Variants in TVP23A observed in about 807,000 individuals in gnomAD.
TVP23A encodes the protein trans-golgi network vesicle protein 23 homolog A, also known as Golgi apparatus membrane protein TVP23 homolog A.
Under a neutral mutation model 31.7 loss-of-function variants are expected in TVP23A, and 21 were observed. The observed-to-expected ratio is 0.66, with a 90% CI of 0.47 to 0.95. The LOEUF (loss-of-function observed/expected upper bound fraction) is 0.95. Among genes scored for constraint, TVP23A ranks in the 40% least tolerant of loss-of-function variants. The pLI is 0.00. For missense variants in TVP23A, 279 were observed against 255.6 expected (o/e 1.09, Z -0.62); for synonymous variants, 104 against 96.0 (o/e 1.08, Z -0.49).
chr16:10,789,018 G>A (rs1483392331), intron 2 of TVP23A, among the ~76,000 whole-genome samples: 1 of 152,086 alleles, frequency 6.6e-6, no homozygotes, highest in Non-Finnish European at 1.5e-5. Context: ...GTTTATGCAG[G>A]CACCCCACAA....
intron 2 of TVP23A, among the ~76,000 whole-genome samples, chr16:10,776,393 A>T (rs183189386): frequency 2.0e-5 from 3 of 152,272 alleles, no homozygotes; most frequent in East Asian, 1.9e-4. Flanking sequence ...AAAAAATAAA[A>T]AAATAAAAAC....
chr16:10,757,835 A>C (rs1442474868), downstream of TVP23A: 1 of 1,595,382 alleles, frequency 6.3e-7, no homozygotes, highest in East Asian at 2.3e-5. This position sits in a 1 kb window ranked among gnomAD's most constrained non-coding sequence, Gnocchi z 4.1. Context: ...CAGAAAAGAA[A>C]GGAAAAGTAA....
At position 10,803,187 on chromosome 16, in the gene TVP23A, G is replaced by A. The variant is rs187346532; in HGVS notation, c.89+14916C>T. Reference sequence around the variant, plus strand: ...TAATGCCAGCTACTCAGGAGGCTGAGGCAGGAGAATCACTTGAACCCAGGA... The same window carrying A: ...TAATGCCAGCTACTCAGGAGGCTGAAGCAGGAGAATCACTTGAACCCAGGA... On this transcript the variant is annotated intron_variant, in intron 2 of 7. Transcript: ENST00000299866. 1.3e-3 allele frequency among the ~76,000 whole-genome samples: 195 copies of A among 151,832 alleles called. 1 individual carries two copies. Among genetic ancestry groups the A allele is most frequent in the East Asian group, 4.4e-3 (23 of 5,178 alleles).
At chr16:10,783,339 A>G (rs1257655474) in intron 2 of TVP23A, among the ~76,000 whole-genome samples, 1 of 152,218 alleles carries the variant, frequency 6.6e-6, no homozygotes, top group Non-Finnish European at 1.5e-5. Context: ...AAATATTTAT[A>G]GCAGCTTCAT....
intron 2 of TVP23A, among the ~76,000 whole-genome samples, chr16:10,811,407 T>C (rs2034193045): frequency 6.6e-6 from 1 of 152,086 alleles, no homozygotes; most frequent in South Asian, 2.1e-4. Context: ...TACCTGGGAC[T>C]ACAGGTGTGT....
intron 2 of TVP23A, among the ~76,000 whole-genome samples, chr16:10,790,065 G>C (rs1261419394): frequency 6.6e-6 from 1 of 152,126 alleles, no homozygotes; most frequent in Non-Finnish European, 1.5e-5. Flanking sequence ...GTCTTATAAT[G>C]GCAGCCCTTA....
intron 2 of TVP23A, among the ~76,000 whole-genome samples, chr16:10,789,991 G>T (rs533658235): frequency 6.6e-6 from 1 of 152,056 alleles, no homozygotes. Context: ...TAAAGACCTG[G>T]GATCAATAGA....
chr16:10,811,469 C>T (rs2034195299), intron 2 of TVP23A, among the ~76,000 whole-genome samples: 1 of 151,902 alleles, frequency 6.6e-6, no homozygotes, highest in South Asian at 2.1e-4. Context: ...GGGGTTTTGC[C>T]ATGTTGCTCA....
intron 2 of TVP23A, among the ~76,000 whole-genome samples, chr16:10,788,883 A>G (rs1479754100): frequency 6.6e-6 from 1 of 152,184 alleles, no homozygotes; most frequent in Non-Finnish European, 1.5e-5. Context: ...CCTTGAACAC[A>G]GTGTTTGCAG....
intron 2 of TVP23A, among the ~76,000 whole-genome samples, chr16:10,816,630 C>T (rs1305429319): frequency 1.3e-5 from 2 of 152,054 alleles, no homozygotes; most frequent in East Asian, 1.9e-4. Context: ...GAGCCATGCA[C>T]TCAGCCTATA....
chr16:10,758,005 C>G, downstream of TVP23A: 1 of 1,613,996 alleles, frequency 6.2e-7, no homozygotes, highest in Non-Finnish European at 8.5e-7. Flanking sequence ...ATCGATGGAG[C>G]AGTGATCATC....
chr16:10,773,325 C>T lies in TVP23A; in HGVS notation c.441G>A (p.Lys147=). The T allele has an allele frequency of 6.2e-7, 1 of 1,606,892 alleles. No individual in the cohort carries two copies. The highest frequency in any genetic ancestry group is 1.1e-5 in the South Asian group (1 of 88,622). The part of the protein sequence containing the change: ...VFFFSTLFSL[K]LKWLALVVAG... ...GATCTGGCCTTACCAGCCACTTTAG[C>T]TTCAAGGAAAATAAGGTGCTAAAAA... The change falls in exon 5 of 8, where the codon AAG becomes AAA. Residue 147 remains lysine (K), a synonymous_variant. Coordinates refer to ENST00000299866, the MANE Select transcript of TVP23A (RefSeq NM_001079512.4).
chr16:10,810,751 G>T (rs1302556011), intron 2 of TVP23A, among the ~76,000 whole-genome samples: 1 of 152,096 alleles, frequency 6.6e-6, no homozygotes, highest in African/African-American at 2.4e-5. Context: ...TTTGGAGTCA[G>T]ACTAGGCCTT....
At position 10,770,279 on chromosome 16, in the gene TVP23A, T is replaced by G; in HGVS notation, c.635A>C (p.Gln212Pro). The G allele has an allele frequency of 6.4e-7, 1 of 1,551,014 alleles. No individual in the cohort carries two copies. The highest frequency in any genetic ancestry group is 1.2e-5 in the South Asian group (1 of 83,934). ...CCATGATCCATTTCTCACCTAATGC[T>G]GGTGAATCTCCAGCCCCTCGAGGCC... ...KPGLEGLEIH[Q>P]H Residue 212 changes from glutamine to proline, a missense_variant, in exon 7 of 8, where the codon CAG (glutamine) becomes CCG (proline). By Grantham distance (76) the Gln-to-Pro change is moderately conservative. Transcript: ENST00000299866.
downstream of TVP23A, chr16:10,762,188 C>G (rs1406726734): frequency 4.6e-6 from 1 of 216,890 alleles, no homozygotes; most frequent in African/African-American, 2.3e-5. Context: ...ACATGGCGTC[C>G]AGGTTACAGA....
chr16:10,773,667 T>G (rs1282890298), intron 4 of TVP23A, among the ~76,000 whole-genome samples: 1 of 152,070 alleles, frequency 6.6e-6, no homozygotes, highest in African/African-American at 2.4e-5. Flanking sequence ...GCCTCCTGGG[T>G]TCAAGTGATT....
At chr16:10,791,098 C>T (rs1209638168) in intron 2 of TVP23A, among the ~76,000 whole-genome samples, 1 of 152,104 alleles carries the variant, frequency 6.6e-6, no homozygotes, top group Non-Finnish European at 1.5e-5. Context: ...TAAAAAACTA[C>T]CATGCCAGAT....
At chr16:10,780,216 A>T (rs1177251924) in intron 2 of TVP23A, among the ~76,000 whole-genome samples, 1 of 152,162 alleles carries the variant, frequency 6.6e-6, no homozygotes, top group African/African-American at 2.4e-5. Flanking sequence ...AAATTTACTT[A>T]ATCTAAATGG....
intron 2 of TVP23A, among the ~76,000 whole-genome samples, chr16:10,805,857 G>T (rs942980683): frequency 6.6e-6 from 1 of 152,056 alleles, no homozygotes; most frequent in African/African-American, 2.4e-5. Flanking sequence ...ATGAATAAAT[G>T]AATGAGCAAA....
Sources: allele counts gnomAD v4.1 joint callset (sites outside exome capture counted in the v4.1 genomes callset), GRCh38; gene constraint gnomAD v4.1.1; non-coding constraint Gnocchi (gnomAD v3.1); transcripts MANE v1.5; gene names NCBI Gene and HGNC (gene_info 2026-07-23, HGNC 2026-07-21).